Variants in HIKESHI observed in about 807,000 individuals in gnomAD.
The protein encoded by HIKESHI is protein Hikeshi.
In HIKESHI, 13 loss-of-function variants were observed where a neutral mutation model predicts 25.7. The ratio of observed to expected loss-of-function variants is 0.51; its 90% confidence interval spans 0.33 to 0.80. The LOEUF (loss-of-function observed/expected upper bound fraction) is 0.80. Among genes scored for constraint, HIKESHI ranks in the 30% least tolerant of loss-of-function variants. The pLI, the probability that HIKESHI is intolerant of heterozygous loss-of-function variation, is 0.02. For missense variants in HIKESHI, 174 were observed against 229.5 expected (o/e 0.76, Z 1.56); for synonymous variants, 76 against 78.7 (o/e 0.97, Z 0.18).
At chr11:86,319,242 A>ATATATTTTTTT (rs1383589741) in intron 2 of HIKESHI, among the ~76,000 whole-genome samples, 10 of 94,944 alleles carry the variant, frequency 1.1e-4, no homozygotes, top group South Asian at 4.0e-4. Context: ...ATATATATAT[A>ATATATTTTTTT]TTTTTTTTTT....
At chr11:86,307,347 CAAAT>C (rs1319558695) in intron 2 of HIKESHI, among the ~76,000 whole-genome samples, 5 of 92,836 alleles carry the variant, frequency 5.4e-5, no homozygotes, top group African/African-American at 1.9e-4. Context: ...CATTATATAT[CAAAT>C]ATATATTATG....
At chr11:86,343,326 A>G (rs1295298709) in intron 3 of HIKESHI, among the ~76,000 whole-genome samples, 2 of 146,362 alleles carry the variant, frequency 1.4e-5, no homozygotes, top group Admixed American at 6.8e-5. Context: ...TTTTTTTCCT[A>G]ATATTGATCT....
chr11:86,336,996 A>G (rs1947581494), intron 2 of HIKESHI, among the ~76,000 whole-genome samples: 1 of 152,000 alleles, frequency 6.6e-6, no homozygotes, highest in Non-Finnish European at 1.5e-5. Flanking sequence ...CTGTCTTTAG[A>G]GATGAAGGAG....
At chr11:86,322,283 G>T (rs950358383) in intron 2 of HIKESHI, among the ~76,000 whole-genome samples, 1 of 152,020 alleles carries the variant, frequency 6.6e-6, no homozygotes, top group Admixed American at 6.6e-5. Flanking sequence ...CACCATGCCC[G>T]GCCTCCGAGC....
At chr11:86,306,130 A>G in intron 1 of HIKESHI, 115 bp from the exon 2 acceptor site, 1 of 699,744 alleles carries the variant, frequency 1.4e-6, no homozygotes, top group Non-Finnish European at 2.4e-6. Flanking sequence ...TTAACATTCT[A>G]TTTGGTAGAA....
At position 86,344,344 on chromosome 11, in the gene HIKESHI, A is replaced by AT. The variant is rs1022764580; in HGVS notation, c.421-252dup. The AT allele has an allele frequency of 1.1e-4, 38 of 336,020 alleles. 1 individual carries two copies. The highest frequency in any genetic ancestry group is 8.5e-5 in the Non-Finnish European group (16 of 188,924). The allele number at this position is 336,020 out of a possible 1,614,324, so 20.8% of individuals were successfully genotyped here. A position where few individuals can be genotyped will look rare whatever the true frequency, so the allele number is the denominator to read the frequency against. On this transcript the variant is annotated intron_variant, in intron 3 of 4. Coordinates refer to ENST00000278483, the MANE Select transcript of HIKESHI (RefSeq NM_016401.4). Reference sequence around the variant, plus strand: ...CTTTTTTATTCATTTATTTAATTTTATTTTTTTGACACAGGGCCTCACTAT... The same window carrying AT: ...CTTTTTTATTCATTTATTTAATTTTATTTTTTTTGACACAGGGCCTCACTAT...
At chr11:86,330,221 T>A (rs971060818) in intron 2 of HIKESHI, among the ~76,000 whole-genome samples, 13 of 152,204 alleles carry the variant, frequency 8.5e-5, no homozygotes, top group African/African-American at 3.1e-4. Context: ...AATGTTTATA[T>A]TTGACAACTA....
At position 86,345,726 on chromosome 11, in the gene HIKESHI, C is replaced by A. The variant is rs1039438557; in HGVS notation, c.*88C>A. 7 of 682,462 alleles carry A rather than the reference C, an allele frequency of 1.0e-5. No individual in the cohort carries two copies. The highest frequency in any genetic ancestry group is 1.9e-5 in the African/African-American group (1 of 53,206). The allele number at this position is 682,462 out of a possible 1,614,324, so 42.3% of individuals were successfully genotyped here. ...ATCTAAAAGTATGAGGTCAAAGGAT[C>A]ACGAAACCTAAGTTTAAAAACTGCT... On this transcript the variant is annotated 3_prime_UTR_variant, in exon 5 of 5. Transcript: ENST00000278483.
intron 1 of HIKESHI, among the ~76,000 whole-genome samples, chr11:86,304,471 A>C (rs539126620): frequency 6.7e-6 from 1 of 149,858 alleles, no homozygotes; most frequent in Admixed American, 6.7e-5. Context: ...ACAAGATGGC[A>C]TGTTCTACCT....
chr11:86,303,430 C>A (rs1447735244), intron 1 of HIKESHI: 8 of 982,776 alleles, frequency 8.1e-6, no homozygotes, highest in Non-Finnish European at 9.7e-6. Context: ...CTGGGAGACC[C>A]CTGTGGTGAT....
chr11:86,313,912 T>C (rs963300642), intron 2 of HIKESHI, among the ~76,000 whole-genome samples: 6 of 152,058 alleles, frequency 3.9e-5, no homozygotes, highest in African/African-American at 1.2e-4. Flanking sequence ...AATAGAGGCA[T>C]AAGGTGAAAG....
chr11:86,312,833 A>G (rs1020861469), intron 2 of HIKESHI, among the ~76,000 whole-genome samples: 3 of 152,162 alleles, frequency 2.0e-5, no homozygotes, highest in African/African-American at 7.2e-5. Flanking sequence ...GTTTGGCTGG[A>G]TATGAAATTC....
chr11:86,302,509 G>A, intron 1 of HIKESHI, 31 bp downstream of exon 1: 4 of 1,552,942 alleles, frequency 2.6e-6, no homozygotes, highest in South Asian at 1.2e-5. Context: ...TATCAGGAAG[G>A]GGTCAGGATA....
chr11:86,345,230 C>A lies in HIKESHI; in HGVS notation c.540-354C>A, dbSNP rs775100177. ...ATTTTGGCATAATGTAGCTATGTGACCCTGAGCAAATTTCTCTCATCTGCT... is the reference window on the plus strand; with the variant it reads ...ATTTTGGCATAATGTAGCTATGTGAACCTGAGCAAATTTCTCTCATCTGCT... On this transcript the variant is annotated intron_variant, in intron 4 of 4. Coordinates refer to ENST00000278483, the MANE Select transcript of HIKESHI (RefSeq NM_016401.4). 31 of 746,704 alleles carry A rather than the reference C, an allele frequency of 4.2e-5. 1 individual carries two copies. The South Asian group carries it at 1.3e-3, about 32-fold the overall frequency. 46.3% of individuals were successfully genotyped at this position (746,704 alleles called of 1,614,324 possible).
intron 2 of HIKESHI, among the ~76,000 whole-genome samples, chr11:86,330,692 G>A (rs998485082): frequency 2.0e-5 from 3 of 152,136 alleles, no homozygotes; most frequent in African/African-American, 7.2e-5. Context: ...CTTTTCTGAT[G>A]AATTAGAAAT....
At chr11:86,320,001 T>C (rs1354147117) in intron 2 of HIKESHI, among the ~76,000 whole-genome samples, 2 of 152,190 alleles carry the variant, frequency 1.3e-5, no homozygotes, top group African/African-American at 4.8e-5. Flanking sequence ...ACTGTTTTGT[T>C]ACCCAGGGGT....
chr11:86,307,085 A>ATATATAT lies in HIKESHI; in HGVS notation c.268+606_268+607insATATTAT, dbSNP rs10693563. The stretch of plus-strand genomic sequence containing the variant: ...ATGTGTAATATACATCATGTATCAA[A>ATATATAT]TATGTGTAATATACATCATGTATCA... On this transcript the variant is annotated intron_variant, in intron 2 of 4. Transcript: ENST00000278483. Among the ~76,000 whole-genome samples the ATATATAT allele has an allele frequency of 1.4e-3, 32 of 23,370 alleles. 7 individuals are homozygous for ATATATAT. The Admixed American group carries it at 0.017, about 13-fold the overall frequency. The allele number at this position is 23,370 out of a possible 152,430, so 15.3% of individuals were successfully genotyped here. A position where few individuals can be genotyped will look rare whatever the true frequency, so the allele number is the denominator to read the frequency against.
At chr11:86,307,530 G>A (rs1226702755) in intron 2 of HIKESHI, among the ~76,000 whole-genome samples, 21 of 130,496 alleles carry the variant, frequency 1.6e-4, no homozygotes, top group Admixed American at 2.4e-4. Flanking sequence ...ATTATGTGTA[G>A]TATACATTAT....
intron 3 of HIKESHI, among the ~76,000 whole-genome samples, chr11:86,338,384 A>G (rs1199065840): frequency 7.9e-5 from 12 of 151,546 alleles, no homozygotes; most frequent in African/African-American, 2.7e-4. Context: ...AGAAAATAGC[A>G]GCATATATGG....
Sources: allele counts gnomAD v4.1 joint callset (sites outside exome capture counted in the v4.1 genomes callset), GRCh38; gene constraint gnomAD v4.1.1; transcripts MANE v1.5; gene names NCBI Gene and HGNC (gene_info 2026-07-23, HGNC 2026-07-21).